Variants in UBE2L6 observed in about 807,000 individuals in gnomAD.
UBE2L6 encodes the protein ubiquitin conjugating enzyme E2 L6, also known as ubiquitin/ISG15-conjugating enzyme E2 L6.
In UBE2L6, 11 loss-of-function variants were observed where a neutral mutation model predicts 13.6. The observed-to-expected ratio is 0.81, with a 90% CI of 0.51 to 1.34. The LOEUF is 1.34. Ranked by LOEUF, UBE2L6 falls within the 40% of genes most tolerant of loss-of-function variation. The probability of loss-of-function intolerance (pLI) is 0.00; values close to 1 mark genes in which losing one functional copy is unlikely to be tolerated. For missense variants in UBE2L6, 197 were observed against 199.5 expected, an observed-to-expected ratio of 0.99 and a Z score of 0.07; for synonymous variants, 74 against 83.2, an observed-to-expected ratio of 0.89 and a Z score of 0.60.
intron 2 of UBE2L6, among the ~76,000 whole-genome samples, chr11:57,559,160 T>G (rs1443520377): frequency 6.6e-6 from 1 of 152,232 alleles, no homozygotes; most frequent in Admixed American, 6.5e-5. Context: ...ACAGGTGTCC[T>G]CACTCTAAGC....
intron 1 of UBE2L6, chr11:57,567,108 A>G: frequency 2.2e-6 from 1 of 457,394 alleles, no homozygotes; most frequent in South Asian, 1.5e-5. Context: ...TCTAATCAGC[A>G]TTCCGTGTTT....
rs1449400606 is a variant in UBE2L6, at chr11:57,554,633, G to A, written c.124-10C>T. 6.2e-6 allele frequency: 10 copies of A among 1,613,744 alleles called. No individual in the cohort carries two copies. Among genetic ancestry groups the A allele is most frequent in the Non-Finnish European group, 7.6e-6 (9 of 1,179,882 alleles). On this transcript the variant is annotated splice_polypyrimidine_tract_variant and intron_variant, in intron 2 of 3. Transcript: ENST00000287156. ...GGTAGGGAGGTTGGTCCTGTGCAGA[G>A]AGAAAAGGGGTCAAGCTCCAGTCTG...
intron 1 of UBE2L6, among the ~76,000 whole-genome samples, chr11:57,565,115 G>A (rs995226083): frequency 6.6e-6 from 1 of 151,872 alleles, no homozygotes; most frequent in Non-Finnish European, 1.5e-5. Context: ...GATGGTGCCT[G>A]CCTGTAATCC....
rs367570734 is a variant in UBE2L6, at chr11:57,564,013, G to T, written c.27+3572C>A. ...TGGCCTTAAATAGGAGGTAGGGAGAGAGACAGGGCTAGAAAGTTTATTCAA... is the reference window on the plus strand; with the variant it reads ...TGGCCTTAAATAGGAGGTAGGGAGATAGACAGGGCTAGAAAGTTTATTCAA... On this transcript the variant is annotated intron_variant, in intron 1 of 3. Transcript: ENST00000287156. 4.7e-4 allele frequency among the ~76,000 whole-genome samples: 71 copies of T among 152,370 alleles called. No homozygotes were observed. In the South Asian group the frequency reaches 0.014, roughly 29 times the overall value.
At chr11:57,561,705 T>G (rs1390154595) in intron 1 of UBE2L6, among the ~76,000 whole-genome samples, 2 of 152,018 alleles carry the variant, frequency 1.3e-5, no homozygotes, top group Non-Finnish European at 2.9e-5. Flanking sequence ...GCTAAAGAGG[T>G]TTCTTCACTG....
intron 2 of UBE2L6, 151 bp from the exon 3 acceptor site, chr11:57,554,774 T>C (rs1195288349): frequency 3.5e-6 from 3 of 854,676 alleles, no homozygotes; most frequent in Admixed American, 2.9e-5. Flanking sequence ...AATTGAGTCA[T>C]GGATTAGTGA....
rs182350818 is a variant in UBE2L6, at chr11:57,567,579, G to A, written c.27+6C>T. The A allele has an allele frequency of 3.0e-5, 48 of 1,607,340 alleles. No homozygotes were observed. Among genetic ancestry groups the A allele is most frequent in the Non-Finnish European group, 4.0e-5 (47 of 1,177,844 alleles). On this transcript the variant is annotated splice_donor_region_variant and intron_variant, in intron 1 of 3. Coordinates refer to ENST00000287156, the MANE Select transcript of UBE2L6 (RefSeq NM_004223.5). ...AAGAGAAAGGGGTCATCCTATACGCGGTTACCTTCACCACTCGCATGCTCG... is the reference window on the plus strand; with the variant it reads ...AAGAGAAAGGGGTCATCCTATACGCAGTTACCTTCACCACTCGCATGCTCG...
chr11:57,563,383 G>A (rs962086925), intron 1 of UBE2L6, among the ~76,000 whole-genome samples: 1 of 151,036 alleles, frequency 6.6e-6, no homozygotes, highest in African/African-American at 2.4e-5. Flanking sequence ...CCAGCTACTT[G>A]GGAGGCTCAG....
At position 57,560,321 on chromosome 11, in the gene UBE2L6, C is replaced by T. The variant is rs547705855; in HGVS notation, c.123+16G>A. 1 of 1,601,860 alleles carries T rather than the reference C, an allele frequency of 6.2e-7. No individual in the cohort carries two copies. The highest frequency in any genetic ancestry group is 8.6e-7 in the Non-Finnish European group (1 of 1,168,956). On this transcript the variant is annotated intron_variant, in intron 2 of 3. Coordinates refer to ENST00000287156, the MANE Select transcript of UBE2L6 (RefSeq NM_004223.5). ...TTTGGCCCCAATCCAAAGCCATGGT[C>T]CCCATGGATACTCACGGGTAGGAGG...
chr11:57,556,260 G>T (rs1046134553), intron 2 of UBE2L6, among the ~76,000 whole-genome samples: 2 of 152,100 alleles, frequency 1.3e-5, no homozygotes, highest in Admixed American at 1.3e-4. Flanking sequence ...CCCTGCCTGG[G>T]TGTGATTCGG....
At chr11:57,556,801 A>G (rs1173129304) in intron 2 of UBE2L6, among the ~76,000 whole-genome samples, 1 of 151,826 alleles carries the variant, frequency 6.6e-6, no homozygotes, top group African/African-American at 2.4e-5. Context: ...TTGATCCCCA[A>G]GACCTACGTG....
In UBE2L6 at chr11:57,552,523, G is replaced by A. The variant is rs755434409; in HGVS notation, c.311-14C>T. On this transcript the variant is annotated splice_polypyrimidine_tract_variant and intron_variant, in intron 3 of 3. Transcript: ENST00000287156. ...GGGCCTCCAGGACTGGGGAGAGACAGGCCAGATCAGGATATCAGGGCAGAG... is the reference window on the plus strand; with the variant it reads ...GGGCCTCCAGGACTGGGGAGAGACAAGCCAGATCAGGATATCAGGGCAGAG... The A allele has an allele frequency of 4.3e-6, 7 of 1,613,918 alleles. No individual in the cohort carries two copies. The highest frequency in any genetic ancestry group is 4.0e-5 in the African/African-American group (3 of 74,922).
chr11:57,564,442 T>C lies in UBE2L6; in HGVS notation c.27+3143A>G, dbSNP rs12291920. On this transcript the variant is annotated intron_variant, in intron 1 of 3. Coordinates refer to ENST00000287156, the MANE Select transcript of UBE2L6 (RefSeq NM_004223.5). ...TGAGAGATACCATCGACACCAGACCTGTCCTACAAGAAATGCTAAAAAGGA... is the reference window on the plus strand; with the variant it reads ...TGAGAGATACCATCGACACCAGACCCGTCCTACAAGAAATGCTAAAAAGGA... 5.9e-3 allele frequency among the ~76,000 whole-genome samples: 901 copies of C among 152,308 alleles called. 9 individuals are homozygous for C. Among genetic ancestry groups the C allele is most frequent in the African/African-American group, 0.021 (857 of 41,564 alleles).
intron 2 of UBE2L6, among the ~76,000 whole-genome samples, chr11:57,556,520 A>AGGCTGAC (rs1360599789): frequency 2.2e-5 from 3 of 134,858 alleles, no homozygotes; most frequent in Non-Finnish European, 4.6e-5. Context: ...TGAACCTGGG[A>AGGCTGAC]GGCTGACGTT....
intron 1 of UBE2L6, among the ~76,000 whole-genome samples, chr11:57,564,126 C>A (rs568152932): frequency 6.6e-6 from 1 of 152,208 alleles, no homozygotes; most frequent in East Asian, 1.9e-4. Context: ...GCAGACTTAA[C>A]CCAAAGAAGA....
chr11:57,551,788 G>A lies in UBE2L6; in HGVS notation c.*570C>T, dbSNP rs939904043. ...CAGGAACTGGCAATCTAACAGGATG[G>A]CAAGTGGTTTTGAAACATATAGATT... On this transcript the variant is annotated 3_prime_UTR_variant, in exon 4 of 4. Transcript: ENST00000287156. 6.6e-6 allele frequency: 1 copy of A among 152,668 alleles called. No homozygotes were observed. The highest frequency in any genetic ancestry group is 1.5e-5 in the Non-Finnish European group (1 of 68,430). The allele number at this position is 152,668 out of a possible 1,614,324, so 9.5% of individuals were successfully genotyped here. A position where few individuals can be genotyped will look rare whatever the true frequency, so the allele number is the denominator to read the frequency against.
At chr11:57,556,238 C>T (rs1944996276) in intron 2 of UBE2L6, among the ~76,000 whole-genome samples, 1 of 151,906 alleles carries the variant, frequency 6.6e-6, no homozygotes, top group African/African-American at 2.4e-5. Context: ...GTAATCCCAG[C>T]ACTTGGAGCC....
chr11:57,557,306 G>A (rs1945005564), intron 2 of UBE2L6, among the ~76,000 whole-genome samples: 1 of 151,794 alleles, frequency 6.6e-6, no homozygotes, highest in Admixed American at 6.6e-5. Flanking sequence ...TCTCTTGCAT[G>A]TGATCTGTAC....
chr11:57,564,256 G>T (rs180983965), intron 1 of UBE2L6, among the ~76,000 whole-genome samples: 1 of 152,114 alleles, frequency 6.6e-6, no homozygotes, highest in South Asian at 2.1e-4. Flanking sequence ...GTCCAGCAGC[G>T]ACTTTTCAGT....
Sources: allele counts gnomAD v4.1 joint callset (sites outside exome capture counted in the v4.1 genomes callset), GRCh38; gene constraint gnomAD v4.1.1; transcripts MANE v1.5; gene names NCBI Gene and HGNC (gene_info 2026-07-23, HGNC 2026-07-21).